DDX51: variants seen among roughly 807,000 people sequenced by gnomAD.
The protein encoded by DDX51 is ATP-dependent RNA helicase DDX51.
In DDX51, 67 loss-of-function variants were observed where a neutral mutation model predicts 74.6. The observed-to-expected ratio is 0.90, with a 90% confidence interval of 0.74 to 1.10. DDX51 has a LOEUF of 1.10. Among genes scored for constraint, DDX51 ranks in the 50% least tolerant of loss-of-function variants. The pLI is 0.00. For missense variants in DDX51, 1,056 were observed against 905.2 expected, an observed-to-expected ratio of 1.17 and a Z score of -2.14; for synonymous variants, 545 against 402.9, an observed-to-expected ratio of 1.35 and a Z score of -4.22.
intron 6 of DDX51, 44 bp from the exon 7 acceptor site, chr12:132,141,650 G>C: frequency 6.5e-7 from 1 of 1,535,188 alleles, no homozygotes; most frequent in Non-Finnish European, 8.8e-7. Context: ...CTTTCTCAAG[G>C]GCTTCCGGAT....
intron 6 of DDX51, 26 bp from the exon 7 acceptor site, chr12:132,141,632 G>C: frequency 1.3e-6 from 2 of 1,548,168 alleles, no homozygotes; most frequent in Non-Finnish European, 1.7e-6. Flanking sequence ...CAGCTCGAGA[G>C]AAGGAAGCTT....
rs1460718123 is a variant in DDX51 at position 132,142,547 on chromosome 12, G to A, written c.671-125C>T. On this transcript the variant is annotated intron_variant, in intron 3 of 14. Transcript: ENST00000397333. ...CCTGGGAACCGCTCCCCAGAGGGAT[G>A]GCACCAAGGCCCAGAGGAACGCCAG... 8 of 1,480,220 alleles carry A rather than the reference G, an allele frequency of 5.4e-6. No individual in the cohort carries two copies. In the African/African-American group the frequency reaches 1.1e-4, roughly 21 times the overall value. 91.7% of individuals were successfully genotyped at this position (1,480,220 alleles called of 1,614,324 possible). A position where few individuals can be genotyped will look rare whatever the true frequency, so the allele number is the denominator to read the frequency against.
chr12:132,143,647 G>A (rs772850214), intron 2 of DDX51, 48 bp downstream of exon 2: 9 of 1,529,718 alleles, frequency 5.9e-6, no homozygotes, highest in East Asian at 2.5e-5. Flanking sequence ...AAGAATCCGC[G>A]CAGCCTACCC....
intron 12 of DDX51, 26 bp from the exon 13 acceptor site, chr12:132,139,950 G>C: frequency 6.2e-7 from 1 of 1,612,716 alleles, no homozygotes; most frequent in Non-Finnish European, 8.5e-7. Flanking sequence ...GCTATCTCCA[G>C]ACTGGCCCCT....
In DDX51 at chr12:132,143,055, G is replaced by A. The variant is rs533600814; in HGVS notation, c.520-177C>T. 509 of 765,952 alleles carry A rather than the reference G, an allele frequency of 6.6e-4. 1 individual carries two copies. The highest frequency in any genetic ancestry group is 1.6e-3 in the South Asian group (93 of 57,688). 47.4% of individuals were successfully genotyped at this position (765,952 alleles called of 1,614,324 possible). A position where few individuals can be genotyped will look rare whatever the true frequency, so the allele number is the denominator to read the frequency against. ...CAGAAGTTAAACAGTAAAAGCAGAT[G>A]CCACTCCCTGAGCAAACTCACTCTG... On this transcript the variant is annotated intron_variant, in intron 2 of 14. Coordinates refer to ENST00000397333, the MANE Select transcript of DDX51 (RefSeq NM_175066.4).
Position 132,139,236 on chromosome 12 carries a change from T to A in DDX51, c.*36A>T. The A allele has an allele frequency of 6.2e-7, 1 of 1,602,740 alleles. No homozygotes were observed. Among genetic ancestry groups the A allele is most frequent in the Non-Finnish European group, 8.5e-7 (1 of 1,176,830 alleles). On this transcript the variant is annotated 3_prime_UTR_variant, in exon 15 of 15. Coordinates refer to ENST00000397333, the MANE Select transcript of DDX51 (RefSeq NM_175066.4). ...TGCTCTGGAAGGAGGGTCAGGGTGG[T>A]GAGCGTTCAGTCCCTCCGGCCCTCT...
chr12:132,140,765 G>C (rs374520857), intron 9 of DDX51, 30 bp from the exon 10 acceptor site: 1 of 1,613,026 alleles, frequency 6.2e-7, no homozygotes, highest in Admixed American at 1.7e-5. Context: ...TCGGGGTGGA[G>C]GTGAGGGTTG....
At chr12:132,143,388 G>C (rs530814311) in intron 2 of DDX51, 1 of 523,754 alleles carries the variant, frequency 1.9e-6, no homozygotes, top group Admixed American at 3.8e-5. Flanking sequence ...GGAGCTTGCA[G>C]AACGGCCTCT....
At chr12:132,143,379 G>A (rs1435824601) in intron 2 of DDX51, 6 of 516,554 alleles carry the variant, frequency 1.2e-5, no homozygotes, top group East Asian at 1.1e-4. Flanking sequence ...CAACGGTCAG[G>A]AGCTTGCAGA....
Position 132,144,071 on chromosome 12 carries a change from C to G in DDX51, c.226G>C (p.Val76Leu). 8.0e-7 allele frequency: 1 copy of G among 1,245,950 alleles called. No homozygotes were observed. The highest frequency in any genetic ancestry group is 1.0e-6 in the Non-Finnish European group (1 of 997,686). 77.2% of individuals were successfully genotyped at this position (1,245,950 alleles called of 1,614,324 possible). A position where few individuals can be genotyped will look rare whatever the true frequency, so the allele number is the denominator to read the frequency against. Reference protein sequence around the residue: ...RRRRPRRRRRVNDAEPGSPEA... With the variant: ...RRRRPRRRRRLNDAEPGSPEA... ...GGGCTCCCCGGCTCCGCGTCGTTCA[C>G]CCGCCGCCGCCGCCGGGGCCGCCGT... Residue 76 changes from valine (V) to leucine (L), a missense_variant, in exon 1 of 15, where the codon GTG becomes CTG. Coordinates refer to ENST00000397333, the MANE Select transcript of DDX51 (RefSeq NM_175066.4).
Position 132,140,669 on chromosome 12 carries a change from C to T in DDX51, c.1507G>A (p.Gly503Ser). ...GTGAAGCAGAGAACCCTCGAGAAGC[C>T]CATCTCCAGGACCAGGTGCAGGACG... ...LVVLHLVLEM[G>S]FSRVLCFTNS... is the part of the protein sequence containing the mutation. Residue 503 changes from glycine (G) to serine (S), a missense_variant, in exon 10 of 15, where the codon GGC becomes AGC. By Grantham distance (56) the Gly-to-Ser change is moderately conservative. Transcript: ENST00000397333. 4 of 1,613,048 alleles carry T rather than the reference C, an allele frequency of 2.5e-6. No homozygotes were observed. Among genetic ancestry groups the T allele is most frequent in the African/African-American group, 1.3e-5 (1 of 75,042 alleles).
Position 132,140,085 on chromosome 12 carries a change from C to A in DDX51, c.1775+13G>T. 1 of 1,611,510 alleles carries A rather than the reference C, an allele frequency of 6.2e-7. No homozygotes were observed. The highest frequency in any genetic ancestry group is 2.2e-5 in the East Asian group (1 of 44,852). On this transcript the variant is annotated intron_variant, in intron 12 of 14. Coordinates refer to ENST00000397333, the MANE Select transcript of DDX51 (RefSeq NM_175066.4). ...GCCCCAGACCCCCCAGTGGCCGCTG[C>A]GCCAGCGCTCACCGGTGCACGTAGG...
Position 132,141,391 on chromosome 12 carries a change from G to A in DDX51, c.1134C>T (p.Asp378=), listed in dbSNP as rs369638052. The A allele has an allele frequency of 1.8e-5, 28 of 1,597,256 alleles. No homozygotes were observed. Among genetic ancestry groups the A allele is most frequent in the Non-Finnish European group, 2.4e-5 (28 of 1,179,016 alleles). ...GCGGCAGCCAGGACTGATGCATGCT[G>A]TCAATCATCCGGTCAGCCTCGTCGA... is the stretch of plus-strand genomic sequence containing the variant. ...LIIDEADRMI[D]SMHQSWLPRV... Residue 378 remains aspartate (D), a synonymous_variant, in exon 8 of 15, where the codon GAC becomes GAT. Coordinates refer to ENST00000397333, the MANE Select transcript of DDX51 (RefSeq NM_175066.4).
chr12:132,143,799 C>CGCTGGT lies in DDX51; in HGVS notation c.409_414dup (p.Thr137_Ser138dup), dbSNP rs775493533. 13 of 1,524,218 alleles carry CGCTGGT rather than the reference C, an allele frequency of 8.5e-6. No homozygotes were observed. Among genetic ancestry groups the CGCTGGT allele is most frequent in the Middle Eastern group, 2.1e-4 (1 of 4,726 alleles). 94.4% of individuals were successfully genotyped at this position (1,524,218 alleles called of 1,614,324 possible). On this transcript the variant is annotated inframe_insertion, in exon 2 of 15. Coordinates refer to ENST00000397333, the MANE Select transcript of DDX51 (RefSeq NM_175066.4). ...CCATCTGGGGCCGCCTCGGCGCTGGCGCTGGTGCTGCGCTCCCCCGGCGCC... is the reference window on the plus strand; with the variant it reads ...CCATCTGGGGCCGCCTCGGCGCTGGCGCTGGTGCTGGTGCTGCGCTCCCCCGGCGCC...
In DDX51 at chr12:132,139,074, C is replaced by A; in HGVS notation, c.*198G>T. On this transcript the variant is annotated 3_prime_UTR_variant, in exon 15 of 15. Coordinates refer to ENST00000397333, the MANE Select transcript of DDX51 (RefSeq NM_175066.4). ...ACCTCCACACTCTGAAAGTGACAAG[C>A]CCTGAAGTCTCCAGTCGGGGCAGGT... 1 of 704,882 alleles carries A rather than the reference C, an allele frequency of 1.4e-6. No individual in the cohort carries two copies. The highest frequency in any genetic ancestry group is 2.7e-5 in the East Asian group (1 of 36,592). The allele number at this position is 704,882 out of a possible 1,614,324, so 43.7% of individuals were successfully genotyped here.
At chr12:132,143,437 C>A (rs2136680456) in intron 2 of DDX51, 2 of 574,750 alleles carry the variant, frequency 3.5e-6, no homozygotes, top group East Asian at 6.4e-5. Context: ...GCAGGAAACC[C>A]CGCACGTTCA....
rs979603152 is a variant in DDX51 at position 132,144,037 on chromosome 12, G to A, written c.260C>T (p.Pro87Leu). Reference sequence around the variant, plus strand: ...GTCCGCCTTCCGTCGCTTTCCCTGCGGCGCCTCCGGGCTCCCCGGCTCCGC... The same window carrying A: ...GTCCGCCTTCCGTCGCTTTCCCTGCAGCGCCTCCGGGCTCCCCGGCTCCGC... ...NDAEPGSPEA[P>L]QGKRRKADGE... is the part of the protein sequence containing the mutation. The change falls in exon 1 of 15, where the codon CCG becomes CTG. Residue 87 changes from proline (P) to leucine (L), a missense_variant. Coordinates refer to ENST00000397333, the MANE Select transcript of DDX51 (RefSeq NM_175066.4). The A allele has an allele frequency of 1.3e-5, 18 of 1,349,922 alleles. No homozygotes were observed. The highest frequency in any genetic ancestry group is 1.6e-5 in the Non-Finnish European group (17 of 1,056,826). 83.6% of individuals were successfully genotyped at this position (1,349,922 alleles called of 1,614,324 possible).
chr12:132,142,110 T>G lies in DDX51; in HGVS notation c.888+9A>C. ...GCGGTGCCACGCTCCAGGTCTAGGG[T>G]CCACATACCTGCTGGGCCAGCTCCT... On this transcript the variant is annotated intron_variant, in intron 5 of 14. Coordinates refer to ENST00000397333, the MANE Select transcript of DDX51 (RefSeq NM_175066.4). The G allele has an allele frequency of 6.4e-7, 1 of 1,550,780 alleles. No homozygotes were observed. The highest frequency in any genetic ancestry group is 8.7e-7 in the Non-Finnish European group (1 of 1,148,672).
chr12:132,140,086 G>C lies in DDX51; in HGVS notation c.1775+12C>G. ...CCCCAGACCCCCCAGTGGCCGCTGC[G>C]CCAGCGCTCACCGGTGCACGTAGGT... On this transcript the variant is annotated intron_variant, in intron 12 of 14. Coordinates refer to ENST00000397333, the MANE Select transcript of DDX51 (RefSeq NM_175066.4). 6.2e-7 allele frequency: 1 copy of C among 1,611,744 alleles called. No homozygotes were observed. The highest frequency in any genetic ancestry group is 1.1e-5 in the South Asian group (1 of 90,964).
Sources: gnomAD v4.1 joint callset for allele counts on GRCh38, gnomAD v4.1.1 for gene constraint, MANE v1.5 for transcripts, NCBI Gene and HGNC (gene_info 2026-07-23, HGNC 2026-07-21) for gene names.